The following ZNF282 variants were observed in gnomAD, a reference collection of about 807,000 sequenced individuals.
ZNF282 encodes the protein zinc finger protein 282.
In ZNF282, 30 loss-of-function variants were observed where a neutral mutation model predicts 61.9. The observed-to-expected ratio is 0.48, with a 90% CI of 0.36 to 0.66. ZNF282 has a LOEUF of 0.66. Among genes scored for constraint, ZNF282 ranks in the 30% least tolerant of loss-of-function variants. The probability of loss-of-function intolerance (pLI) is 0.00; values close to 1 mark genes in which losing one functional copy is unlikely to be tolerated. For missense variants in ZNF282, 788 were observed against 941.4 expected (o/e 0.84, Z 2.13); for synonymous variants, 396 against 405.0 (o/e 0.98, Z 0.27).
chr7:149,196,378 C>G (rs908506239), intron 1 of ZNF282, among the ~76,000 whole-genome samples: 2 of 152,166 alleles, frequency 1.3e-5, no homozygotes, highest in African/African-American at 4.8e-5. Flanking sequence ...GAGCCCTTGC[C>G]TGGTCCCAGA....
In ZNF282 at chr7:149,207,490, G is replaced by A; in HGVS notation, c.832+20G>A. ...AAGCAGGTGATGGCAGCAGAAGAGA[G>A]TGCGGGGTCCAGGGAAGGGCGAGAG... On this transcript the variant is annotated intron_variant, in intron 4 of 7. Transcript: ENST00000610704. 1.3e-6 allele frequency: 2 copies of A among 1,557,038 alleles called. No individual in the cohort carries two copies. Among genetic ancestry groups the A allele is most frequent in the Non-Finnish European group, 1.7e-6 (2 of 1,149,656 alleles).
rs1795849543 is a variant in ZNF282 at position 149,198,224 on chromosome 7, G to A, written c.166-109G>A. The A allele has an allele frequency of 7.4e-7, 1 of 1,344,540 alleles. No individual in the cohort carries two copies. Among genetic ancestry groups the A allele is most frequent in the African/African-American group, 1.5e-5 (1 of 68,358 alleles). The allele number at this position is 1,344,540 out of a possible 1,614,324, so 83.3% of individuals were successfully genotyped here. On this transcript the variant is annotated intron_variant, in intron 1 of 7. Transcript: ENST00000610704. This position sits in a 1 kb window ranked among gnomAD's most constrained non-coding sequence, Gnocchi z 4.3. The stretch of plus-strand genomic sequence containing the variant: ...TATCCTGAGTTACGGGGGCCTGGCA[G>A]AAGAAAGACGACATGTAGCATCTGA...
Position 149,198,208 on chromosome 7 carries a change from T to G in ZNF282, c.166-125T>G. On this transcript the variant is annotated intron_variant, in intron 1 of 7. Transcript: ENST00000610704. The surrounding 1 kb of genome is among the most constrained non-coding windows in gnomAD (Gnocchi z 4.3). ...GCTGGGGGTGTTAGTGTATCCTGAG[T>G]TACGGGGGCCTGGCAGAAGAAAGAC... The G allele has an allele frequency of 8.6e-7, 1 of 1,159,972 alleles. No individual in the cohort carries two copies. 71.9% of individuals were successfully genotyped at this position (1,159,972 alleles called of 1,614,324 possible). A position where few individuals can be genotyped will look rare whatever the true frequency, so the allele number is the denominator to read the frequency against.
In ZNF282 at chr7:149,223,904, C is replaced by A. The variant is rs1796306509; in HGVS notation, c.1273C>A (p.Pro425Thr). The A allele has an allele frequency of 1.4e-6, 2 of 1,395,842 alleles. No individual in the cohort carries two copies. The highest frequency in any genetic ancestry group is 3.2e-5 in the Admixed American group (1 of 31,448). The allele number at this position is 1,395,842 out of a possible 1,614,324, so 86.5% of individuals were successfully genotyped here. ...ACCGCAGCCGCAGCTGCAGTCGCAG[C>A]CCCAGCCCCAGAGCCTGCCCCCCAT... ...QPPQPQLQSQ[P>T]QPQSLPPIAV... Residue 425 changes from proline to threonine, a missense_variant, in exon 8 of 8, where the codon CCC (proline) becomes ACC (threonine). By Grantham distance (38) the Pro-to-Thr change is conservative. Transcript: ENST00000610704.
At chr7:149,210,280 A>G (rs1796062358) in intron 4 of ZNF282, among the ~76,000 whole-genome samples, 1 of 151,824 alleles carries the variant, frequency 6.6e-6, no homozygotes, top group African/African-American at 2.4e-5. Flanking sequence ...TTGTTTCTGA[A>G]TTCTCTCTTC....
chr7:149,214,236 T>C (rs1430088369), intron 7 of ZNF282, among the ~76,000 whole-genome samples: 1 of 152,172 alleles, frequency 6.6e-6, no homozygotes, highest in African/African-American at 2.4e-5. Context: ...TGTTGTCACA[T>C]GGTGTTCCCT....
Position 149,195,556 on chromosome 7 carries a change from C to T in ZNF282, c.-34C>T. 1.2e-6 allele frequency: 2 copies of T among 1,604,034 alleles called. No homozygotes were observed. The highest frequency in any genetic ancestry group is 1.7e-6 in the Non-Finnish European group (2 of 1,176,346). On this transcript the variant is annotated 5_prime_UTR_variant, in exon 1 of 8. Coordinates refer to ENST00000610704, the MANE Select transcript of ZNF282 (RefSeq NM_003575.4). ...CGCCTGGAAAACGTTCTTCTTCTCC[C>T]TGGCCGACCCGAGCGGGGAACAGCA...
chr7:149,196,859 TCCCGGAGCAGGTCTGC>T (rs1024949372), intron 1 of ZNF282, among the ~76,000 whole-genome samples: 3 of 152,148 alleles, frequency 2.0e-5, no homozygotes, highest in East Asian at 1.9e-4. Context: ...CTCTGCTGTG[TCCCGGAGCAGGTCTGC>T]CCCGGAGCAG....
rs531020281 is a variant in ZNF282, at chr7:149,210,673, G to A, written c.921G>A (p.Glu307=). 6.2e-7 allele frequency: 1 copy of A among 1,608,786 alleles called. No homozygotes were observed. The highest frequency in any genetic ancestry group is 1.7e-5 in the Admixed American group (1 of 58,796). ...TLCVRGQRGL[E]ERAIPTESIT... is the part of the protein sequence containing the mutation. ...GTGTCCGGGGTCAGCGGGGCCTGGA[G>A]GAAAGAGCCATCCCTACGGAATCCA... Residue 307 remains glutamate, a synonymous_variant, in exon 5 of 8, where the codon GAG becomes GAA. Transcript: ENST00000610704.
At chr7:149,197,333 T>C (rs1249439722) in intron 1 of ZNF282, among the ~76,000 whole-genome samples, 1 of 152,248 alleles carries the variant, frequency 6.6e-6, no homozygotes, top group Non-Finnish European at 1.5e-5. Flanking sequence ...TGACCTTTTT[T>C]AGTGAACCTA....
chr7:149,200,346 C>T (rs1489178139), intron 2 of ZNF282, among the ~76,000 whole-genome samples: 1 of 152,198 alleles, frequency 6.6e-6, no homozygotes, highest in South Asian at 2.1e-4. Flanking sequence ...TCCTCCCTGT[C>T]CTGTCAGCAG....
rs1352923949 is a variant in ZNF282, at chr7:149,195,746, C to T, written c.157C>T (p.Pro53Ser). ...CGGGGAAATGGCCGAGGGAATGCCG[C>T]CCATGCAGGTGGGAGAACCCCGCCG... The part of the protein sequence containing the change: ...LRGEMAEGMP[P>S]MQAQEWDMDA... The change falls in exon 1 of 8, where the codon CCC (proline) becomes TCC (serine). Residue 53 changes from proline (P) to serine (S), a missense_variant. Around this residue, in one of 3 missense-constraint regions of ZNF282, gnomAD observed 137 missense variants for 135.4 expected, o/e 1.01. Transcript: ENST00000610704. 1.3e-6 allele frequency: 2 copies of T among 1,524,998 alleles called. No homozygotes were observed. Among genetic ancestry groups the T allele is most frequent in the Admixed American group, 4.1e-5 (2 of 49,000 alleles). The allele number at this position is 1,524,998 out of a possible 1,614,324, so 94.5% of individuals were successfully genotyped here. A position where few individuals can be genotyped will look rare whatever the true frequency, so the allele number is the denominator to read the frequency against.
At chr7:149,218,770 C>T (rs368025600) in intron 7 of ZNF282, among the ~76,000 whole-genome samples, 7 of 152,224 alleles carry the variant, frequency 4.6e-5, no homozygotes, top group East Asian at 1.9e-4. Context: ...CCCATCACCC[C>T]GTCATAATTT....
intron 1 of ZNF282, 44 bp downstream of exon 1, chr7:149,195,798 C>CGGGGCGCGGGCT: frequency 7.0e-7 from 1 of 1,423,404 alleles, no homozygotes; most frequent in Non-Finnish European, 9.1e-7. Flanking sequence ...GCCGTGGGGG[C>CGGGGCGCGGGCT]GGGGCGCGGG....
intron 3 of ZNF282, 45 bp downstream of exon 3, chr7:149,206,867 G>A (rs1402111676): frequency 1.9e-6 from 3 of 1,608,492 alleles, no homozygotes; most frequent in Non-Finnish European, 2.5e-6. Context: ...CTCTGCAGAG[G>A]GTTGTGAAAT....
At chr7:149,215,666 A>G (rs1796151696) in intron 7 of ZNF282, among the ~76,000 whole-genome samples, 9 of 152,192 alleles carry the variant, frequency 5.9e-5, no homozygotes, top group Admixed American at 5.9e-4. Flanking sequence ...CAGGAACGAG[A>G]TAGGAACAAT....
At position 149,220,131 on chromosome 7, in the gene ZNF282, G is replaced by A. The variant is rs560067242; in HGVS notation, c.1181-3681G>A. 1.8e-4 allele frequency among the ~76,000 whole-genome samples: 28 copies of A among 152,192 alleles called. 1 individual carries two copies. Among genetic ancestry groups the A allele is most frequent in the South Asian group, 8.3e-4 (4 of 4,820 alleles). On this transcript the variant is annotated intron_variant, in intron 7 of 7. Coordinates refer to ENST00000610704, the MANE Select transcript of ZNF282 (RefSeq NM_003575.4). ...AACTGCCTTAAAGAATAAAGAAGCC[G>A]GGCACGGTGGCTCACGCCTGTAATC... is the stretch of plus-strand genomic sequence containing the variant.
chr7:149,224,052 G>T lies in ZNF282; in HGVS notation c.1421G>T (p.Gly474Val). 1 of 1,163,014 alleles carries T rather than the reference G, an allele frequency of 8.6e-7. No individual in the cohort carries two copies. Among genetic ancestry groups the T allele is most frequent in the Non-Finnish European group, 1.1e-6 (1 of 944,794 alleles). The allele number at this position is 1,163,014 out of a possible 1,614,324, so 72.0% of individuals were successfully genotyped here. A position where few individuals can be genotyped will look rare whatever the true frequency, so the allele number is the denominator to read the frequency against. Residue 474 changes from glycine (G) to valine (V), a missense_variant, in exon 8 of 8, where the codon GGC becomes GTC. Gly to Val is a moderately radical substitution (Grantham distance 109, BLOSUM62 -3). Coordinates refer to ENST00000610704, the MANE Select transcript of ZNF282 (RefSeq NM_003575.4). Reference protein sequence around the residue: ...APPGGDRSTGGGGGDGGGGGG... With the variant: ...APPGGDRSTGVGGGDGGGGGG... ...CCGGGTGGGGACCGCAGCACCGGGG[G>T]CGGCGGGGGCGATGGGGGCGGTGGG...
intron 7 of ZNF282, 34 bp from the exon 8 acceptor site, chr7:149,223,778 C>G: frequency 6.8e-7 from 1 of 1,471,022 alleles, no homozygotes. Flanking sequence ...GCCGAGAACC[C>G]CTGTCAGCAT....
Sources: gnomAD v4.1 joint callset for allele counts (sites outside exome capture counted in the v4.1 genomes callset) on GRCh38, gnomAD v4.1.1 for gene constraint, gnomAD v4.1.1 regional missense constraint, Gnocchi (gnomAD v3.1) non-coding constraint, MANE v1.5 for transcripts, NCBI Gene and HGNC (gene_info 2026-07-23, HGNC 2026-07-21) for gene names.